RXFP1: variants seen among roughly 807,000 people sequenced by gnomAD.
RXFP1 encodes the protein relaxin receptor 1.
A neutral mutation model predicts 89.8 loss-of-function variants in RXFP1; 73 were observed. The ratio of observed to expected loss-of-function variants is 0.81; its 90% CI spans 0.67 to 0.99. The LOEUF (loss-of-function observed/expected upper bound fraction) is 0.99. RXFP1 is among the 50% of genes least tolerant of loss of function. RXFP1 has a pLI of 0.00. For missense variants in RXFP1, 793 were observed against 895.5 expected (o/e 0.89, Z 1.46); for synonymous variants, 277 against 305.5 (o/e 0.91, Z 0.97).
intron 17 of RXFP1, among the ~76,000 whole-genome samples, chr4:158,650,595 C>T (rs1266080052): frequency 6.6e-6 from 1 of 151,734 alleles, no homozygotes; most frequent in African/African-American, 2.4e-5. Flanking sequence ...ATGGTGAAAC[C>T]CCATCTCTAC....
At chr4:158,570,596 C>T (rs1233370522) in intron 1 of RXFP1, among the ~76,000 whole-genome samples, 3 of 152,116 alleles carry the variant, frequency 2.0e-5, no homozygotes, top group African/African-American at 4.8e-5. Context: ...CCATTCTAGA[C>T]TAAGCCTCAT....
intron 4 of RXFP1, among the ~76,000 whole-genome samples, chr4:158,604,472 C>T (rs554081078): frequency 6.6e-6 from 1 of 152,106 alleles, no homozygotes; most frequent in African/African-American, 2.4e-5. Context: ...GACTTGGGAC[C>T]TTTCCAGTAC....
At chr4:158,588,237 C>G (rs919544635) in intron 2 of RXFP1, among the ~76,000 whole-genome samples, 2 of 152,150 alleles carry the variant, frequency 1.3e-5, no homozygotes, top group Non-Finnish European at 2.9e-5. Context: ...TTTTCACCCT[C>G]ATGAGATTCC....
Position 158,648,543 on chromosome 4 carries a change from A to C in RXFP1, c.1801A>C (p.Ser601Arg). The C allele has an allele frequency of 6.2e-7, 1 of 1,610,112 alleles. No individual in the cohort carries two copies. The highest frequency in any genetic ancestry group is 1.1e-5 in the South Asian group (1 of 90,042). ...AFIIIVFSYG[S>R]MFYSVHQSAI... ...TATCATCATAGTTTTTTCCTATGGA[A>C]GCATGTTTTATAGTGTTCATCAAAG... The change falls in exon 17 of 18, where the codon AGC becomes CGC. Residue 601 changes from serine (S) to arginine (R), a missense_variant. Coordinates refer to ENST00000307765, the MANE Select transcript of RXFP1 (RefSeq NM_021634.4).
At chr4:158,619,834 C>A (rs1020161961) in intron 9 of RXFP1, among the ~76,000 whole-genome samples, 2 of 151,452 alleles carry the variant, frequency 1.3e-5, no homozygotes, top group Admixed American at 6.6e-5. Context: ...AAAAAAAAAA[C>A]CACTCCAGCC....
chr4:158,606,954 C>A, intron 5 of RXFP1: 1 of 895,760 alleles, frequency 1.1e-6, no homozygotes, highest in Non-Finnish European at 1.8e-6. Flanking sequence ...GGGTACTTTT[C>A]AGTCAAAATT....
chr4:158,568,044 A>T (rs1418281903), intron 1 of RXFP1, among the ~76,000 whole-genome samples: 1 of 152,150 alleles, frequency 6.6e-6, no homozygotes, highest in Non-Finnish European at 1.5e-5. Flanking sequence ...CCACGAACCC[A>T]CTGGGAGGAA....
chr4:158,543,027 G>A (rs897015915), intron 1 of RXFP1, among the ~76,000 whole-genome samples: 1 of 152,074 alleles, frequency 6.6e-6, no homozygotes, highest in Admixed American at 6.5e-5. Context: ...TAGTAACTGG[G>A]TAACAAAATA....
chr4:158,562,385 G>A (rs1181177252), intron 1 of RXFP1, among the ~76,000 whole-genome samples: 2 of 149,578 alleles, frequency 1.3e-5, no homozygotes, highest in South Asian at 2.1e-4. Context: ...TTAGCCGGGC[G>A]TAGTGGCGGG....
At chr4:158,549,637 G>A (rs1354810873) in intron 1 of RXFP1, among the ~76,000 whole-genome samples, 21 of 152,146 alleles carry the variant, frequency 1.4e-4, no homozygotes, top group African/African-American at 5.1e-4. Flanking sequence ...TGGTGTGGAT[G>A]TCCTTTCTGT....
chr4:158,528,497 C>T (rs1305407727), intron 1 of RXFP1, among the ~76,000 whole-genome samples: 1 of 152,006 alleles, frequency 6.6e-6, no homozygotes, highest in Non-Finnish European at 1.5e-5. Context: ...AGAGCAAGAC[C>T]CTGTGTCAGA....
At chr4:158,580,364 C>T (rs1400562245) in intron 2 of RXFP1, among the ~76,000 whole-genome samples, 1 of 152,076 alleles carries the variant, frequency 6.6e-6, no homozygotes, top group Non-Finnish European at 1.5e-5. Context: ...CTCTTACTAG[C>T]CTAGAAAGGT....
intron 1 of RXFP1, among the ~76,000 whole-genome samples, chr4:158,552,735 G>T (rs1462396293): frequency 6.6e-6 from 1 of 152,208 alleles, no homozygotes; most frequent in East Asian, 1.9e-4. Context: ...TAAAAAGTTG[G>T]CAAGAGTCTG....
chr4:158,536,908 C>T lies in RXFP1; in HGVS notation c.49+14883C>T, dbSNP rs377156341. Among the ~76,000 whole-genome samples, 16 of 152,074 alleles carry T rather than the reference C, an allele frequency of 1.1e-4. No individual in the cohort carries two copies. In the East Asian group the frequency reaches 2.5e-3, roughly 24 times the overall value. On this transcript the variant is annotated intron_variant, in intron 1 of 17. Coordinates refer to ENST00000307765, the MANE Select transcript of RXFP1 (RefSeq NM_021634.4). ...GTTGCAATATTGTTGTACTAGATAG[C>T]GTTTACACTTATGAGCTGAAAGAAT... is the stretch of plus-strand genomic sequence containing the variant.
chr4:158,593,697 A>C (rs1184308824), intron 3 of RXFP1, among the ~76,000 whole-genome samples, 198 bp downstream of exon 3: 1 of 152,216 alleles, frequency 6.6e-6, no homozygotes, highest in Non-Finnish European at 1.5e-5. Context: ...TAACTAGGAA[A>C]ATTTATTTCA....
Position 158,651,964 on chromosome 4 carries a change from T to C in RXFP1, c.2183T>C (p.Met728Thr), listed in dbSNP as rs756068016. 3.7e-6 allele frequency: 6 copies of C among 1,613,986 alleles called. No individual in the cohort carries two copies. The East Asian group carries it at 8.9e-5, about 24-fold the overall frequency. ...GTGGAAATGTGGCCACTGCAGGAGA[T>C]GCCACCTGAGTTAATGAAGCCGGAC... ...IWVEMWPLQEMPPELMKPDLF... is the reference protein window; with the variant it reads ...IWVEMWPLQETPPELMKPDLF... The change falls in exon 18 of 18, where the codon ATG becomes ACG. Residue 728 changes from methionine (M) to threonine (T), a missense_variant. Physicochemically the swap from Met to Thr is moderately conservative, Grantham distance 81. Coordinates refer to ENST00000307765, the MANE Select transcript of RXFP1 (RefSeq NM_021634.4).
At chr4:158,571,701 A>C (rs1488262313) in intron 1 of RXFP1, among the ~76,000 whole-genome samples, 5 of 151,472 alleles carry the variant, frequency 3.3e-5, no homozygotes, top group Admixed American at 1.3e-4. Flanking sequence ...ATGGTAAAAC[A>C]GTCCTCGGTG....
chr4:158,581,727 G>A (rs1757393145), intron 2 of RXFP1, among the ~76,000 whole-genome samples: 1 of 152,176 alleles, frequency 6.6e-6, no homozygotes, highest in Non-Finnish European at 1.5e-5. Context: ...AGACATTGAT[G>A]CACTGCATCA....
At chr4:158,529,244 TTTGTTGTTGTTG>T (rs70962613) in intron 1 of RXFP1, among the ~76,000 whole-genome samples, 76 of 109,994 alleles carry the variant, frequency 6.9e-4, no homozygotes, top group African/African-American at 2.8e-3. Flanking sequence ...TTGCTTGTTT[TTTGTTGTTGTTG>T]TTGTTGTTGT....
Sources: allele counts gnomAD v4.1 joint callset (sites outside exome capture counted in the v4.1 genomes callset), GRCh38; gene constraint gnomAD v4.1.1; transcripts MANE v1.5; gene names NCBI Gene and HGNC (gene_info 2026-07-23, HGNC 2026-07-21).